Variants in CACNA2D1 observed in about 807,000 individuals in gnomAD.
The protein encoded by CACNA2D1 is calcium voltage-gated channel auxiliary subunit alpha2delta 1, also known as voltage-dependent calcium channel subunit alpha-2/delta-1.
A neutral mutation model predicts 171.5 loss-of-function variants in CACNA2D1; 53 were observed. The observed-to-expected ratio is 0.31, with a 90% CI of 0.25 to 0.39. CACNA2D1 has a LOEUF of 0.39. Ranked by LOEUF, CACNA2D1 falls within the 10% of genes least tolerant of loss-of-function variation. CACNA2D1 has a pLI of 1.00. For synonymous variants in CACNA2D1, 442 were observed against 443.1 expected (o/e 1.00, Z 0.03); for missense variants, 903 against 1,299.8 (o/e 0.69, Z 4.69).
chr7:82,298,581 T>G (rs1347227680), intron 3 of CACNA2D1, among the ~76,000 whole-genome samples: 1 of 152,014 alleles, frequency 6.6e-6, no homozygotes, highest in African/African-American at 2.4e-5. Context: ...AATGTCTTTT[T>G]TTTTTTTTTA....
chr7:82,050,717 G>A, intron 10 of CACNA2D1: 4 of 685,292 alleles, frequency 5.8e-6, no homozygotes, highest in Non-Finnish European at 1.1e-5. Context: ...CCAACAGTTG[G>A]TGGAAAAATG....
chr7:82,199,725 T>C (rs1289332557), intron 3 of CACNA2D1, among the ~76,000 whole-genome samples: 2 of 151,990 alleles, frequency 1.3e-5, no homozygotes, highest in Non-Finnish European at 1.5e-5. Context: ...ATATATAACC[T>C]CCTCATTCCA....
chr7:82,146,472 C>T (rs1411020005), intron 4 of CACNA2D1, among the ~76,000 whole-genome samples: 2 of 138,090 alleles, frequency 1.4e-5, no homozygotes, highest in African/African-American at 2.7e-5. Flanking sequence ...AAATATATAT[C>T]TTTATATATA....
intron 38 of CACNA2D1, among the ~76,000 whole-genome samples, chr7:81,956,047 G>A (rs1793291908): frequency 7.2e-6 from 1 of 138,706 alleles, no homozygotes; most frequent in Non-Finnish European, 1.5e-5. Context: ...GAGTGCAGTG[G>A]CACAATCTCA....
chr7:81,947,773 TTGA>T lies in CACNA2D1; in HGVS notation c.*2616_*2618del, dbSNP rs1183894044. On this transcript the variant is annotated 3_prime_UTR_variant, in exon 39 of 39. Coordinates refer to ENST00000356860, the MANE Select transcript of CACNA2D1 (RefSeq NM_000722.4). The stretch of plus-strand genomic sequence containing the variant: ...AAAATACTAAATGTAATGTAATAAT[TTGA>T]TGGGATGAGTGTTACTGTCTTAAAA... 1 of 151,850 alleles carries T rather than the reference TTGA, an allele frequency of 6.6e-6. No homozygotes were observed. Among genetic ancestry groups the T allele is most frequent in the Non-Finnish European group, 1.5e-5 (1 of 67,846 alleles). The allele number at this position is 151,850 out of a possible 1,614,324, so 9.4% of individuals were successfully genotyped here.
intron 3 of CACNA2D1, among the ~76,000 whole-genome samples, chr7:82,297,399 T>C (rs1389007851): frequency 6.6e-6 from 1 of 152,152 alleles, no homozygotes; most frequent in Non-Finnish European, 1.5e-5. Flanking sequence ...TGGGGGGAGA[T>C]GTTGAATGGC....
chr7:82,351,202 T>C (rs946838534), intron 1 of CACNA2D1, among the ~76,000 whole-genome samples: 1 of 152,024 alleles, frequency 6.6e-6, no homozygotes, highest in Non-Finnish European at 1.5e-5. Context: ...GAGATTTAAC[T>C]GTGTATGTCT....
intron 5 of CACNA2D1, among the ~76,000 whole-genome samples, chr7:82,132,792 T>C (rs576406017): frequency 3.9e-5 from 6 of 152,342 alleles, no homozygotes; most frequent in African/African-American, 1.4e-4. Context: ...GACAAACTGA[T>C]ATACTAATCA....
At chr7:82,146,592 T>C (rs1322055765) in intron 4 of CACNA2D1, among the ~76,000 whole-genome samples, 1 of 150,198 alleles carries the variant, frequency 6.7e-6, no homozygotes, top group Non-Finnish European at 1.5e-5. Flanking sequence ...CAATGTTCTA[T>C]TGTGCATATA....
chr7:81,997,683 A>G (rs1428612073), intron 18 of CACNA2D1, among the ~76,000 whole-genome samples: 1 of 151,196 alleles, frequency 6.6e-6, no homozygotes, highest in African/African-American at 2.4e-5. Context: ...AAAAAAGTGT[A>G]TGAGAAAATG....
chr7:82,393,305 C>A (rs1039766657), intron 1 of CACNA2D1, among the ~76,000 whole-genome samples: 4 of 152,142 alleles, frequency 2.6e-5, no homozygotes, highest in Non-Finnish European at 5.9e-5. Flanking sequence ...ACATTGACCT[C>A]TTATACAAAG....
At chr7:82,083,663 T>C (rs1392636270) in intron 7 of CACNA2D1, among the ~76,000 whole-genome samples, 1 of 152,128 alleles carries the variant, frequency 6.6e-6, no homozygotes, top group South Asian at 2.1e-4. Context: ...ACTTGGCTTT[T>C]CCTAGTGTGT....
At chr7:82,102,585 C>T (rs1812808319) in intron 6 of CACNA2D1, among the ~76,000 whole-genome samples, 1 of 152,072 alleles carries the variant, frequency 6.6e-6, no homozygotes, top group Non-Finnish European at 1.5e-5. Context: ...CAACCCACTG[C>T]TTGCTGCTGG....
intron 15 of CACNA2D1, among the ~76,000 whole-genome samples, chr7:82,008,306 G>A (rs37129): frequency 0.022 from 3,319 of 152,104 alleles, 124 homozygotes; most frequent in African/African-American, 0.075. Context: ...TAAATGTTAC[G>A]CTCTTCAGAA....
intron 6 of CACNA2D1, among the ~76,000 whole-genome samples, chr7:82,101,286 C>G (rs1812647246): frequency 6.6e-6 from 1 of 152,068 alleles, no homozygotes; most frequent in Non-Finnish European, 1.5e-5. Flanking sequence ...GTACCAAAGT[C>G]TCCAATATTA....
At chr7:82,107,188 T>C (rs1381666152) in intron 6 of CACNA2D1, among the ~76,000 whole-genome samples, 1 of 152,088 alleles carries the variant, frequency 6.6e-6, no homozygotes, top group Non-Finnish European at 1.5e-5. Flanking sequence ...ATTCAATCAT[T>C]CTCCTGTAGT....
intron 3 of CACNA2D1, among the ~76,000 whole-genome samples, chr7:82,247,653 A>G (rs932358569): frequency 6.6e-6 from 1 of 152,206 alleles, no homozygotes; most frequent in African/African-American, 2.4e-5. Context: ...ATTTGATGAC[A>G]TCAGGTTGAC....
At chr7:81,972,306 A>G (rs2130465249) in intron 25 of CACNA2D1, among the ~76,000 whole-genome samples, 1 of 151,746 alleles carries the variant, frequency 6.6e-6, no homozygotes, top group East Asian at 1.9e-4. Context: ...ATTATCAAGT[A>G]AAAACATTCA....
rs543356272 is a variant in CACNA2D1 at position 82,102,183 on chromosome 7, T to C, written c.526+14861A>G. Among the ~76,000 whole-genome samples, 224 of 152,222 alleles carry C rather than the reference T, an allele frequency of 1.5e-3. 3 individuals are homozygous for C. The highest frequency in any genetic ancestry group is 0.015 in the Admixed American group (222 of 15,274). On this transcript the variant is annotated intron_variant, in intron 6 of 38. Coordinates refer to ENST00000356860, the MANE Select transcript of CACNA2D1 (RefSeq NM_000722.4). ...AATAAGAGAAGGGAAGTAACAGTTC[T>C]ATTGTGCAGCTCCTGAAAATCTGAT...
Sources: gnomAD v4.1 joint callset for allele counts (sites outside exome capture counted in the v4.1 genomes callset) on GRCh38, gnomAD v4.1.1 for gene constraint, MANE v1.5 for transcripts, NCBI Gene and HGNC (gene_info 2026-07-23, HGNC 2026-07-21) for gene names.